The following SLC8A1 variants were observed in gnomAD, a reference collection of about 807,000 sequenced individuals.
The protein encoded by SLC8A1 is sodium/calcium exchanger 1.
SLC8A1 carries 18 observed loss-of-function variants against 68.3 expected under a neutral mutation model. The observed-to-expected ratio is 0.26, with a 90% CI of 0.18 to 0.39. The LOEUF (loss-of-function observed/expected upper bound fraction) is 0.39. Among genes scored for constraint, SLC8A1 ranks in the 10% least tolerant of loss-of-function variants. The pLI is 1.00. For missense variants in SLC8A1, 985 were observed against 1,156.7 expected (o/e 0.85, Z 2.15); for synonymous variants, 475 against 415.5 (o/e 1.14, Z -1.74).
At chr2:40,411,065 T>A (rs1691986474) in intron 2 of SLC8A1, among the ~76,000 whole-genome samples, 1 of 152,040 alleles carries the variant, frequency 6.6e-6, no homozygotes, top group South Asian at 2.1e-4. Context: ...CAGCCTAAAG[T>A]TGTATGGCAC....
chr2:40,463,238 G>A (rs1473735163), intron 1 of SLC8A1, among the ~76,000 whole-genome samples: 3 of 152,072 alleles, frequency 2.0e-5, no homozygotes, highest in Admixed American at 6.5e-5. Flanking sequence ...TAGAGCCCTG[G>A]ACAAAAGCAG....
intron 2 of SLC8A1, among the ~76,000 whole-genome samples, chr2:40,371,775 C>T (rs748234518): frequency 4.6e-5 from 7 of 152,218 alleles, no homozygotes; most frequent in African/African-American, 1.7e-4. Context: ...TGATCATATC[C>T]TCTGGAAACC....
intron 2 of SLC8A1, among the ~76,000 whole-genome samples, chr2:40,295,803 C>G (rs2070262252): frequency 6.6e-6 from 1 of 152,140 alleles, no homozygotes; most frequent in South Asian, 2.1e-4. Context: ...CTCAGACCAT[C>G]CACAAATAAT....
intron 2 of SLC8A1, among the ~76,000 whole-genome samples, chr2:40,357,739 G>T (rs969605544): frequency 1.2e-4 from 19 of 152,020 alleles, no homozygotes; most frequent in Non-Finnish European, 2.6e-4. Context: ...ATAGAATGCT[G>T]AGCTACATCA....
intron 2 of SLC8A1, among the ~76,000 whole-genome samples, chr2:40,200,173 G>GAGATATAT (rs1553407546): frequency 2.5e-3 from 12 of 4,750 alleles, no homozygotes; most frequent in Admixed American, 6.7e-3. Context: ...TCAAGTCATT[G>GAGATATAT]ATATATATAT....
At chr2:40,277,581 AAGT>A (rs746585043) in intron 2 of SLC8A1, among the ~76,000 whole-genome samples, 4 of 151,726 alleles carry the variant, frequency 2.6e-5, no homozygotes, top group Non-Finnish European at 5.9e-5. Flanking sequence ...ATAATAGCAA[AAGT>A]AGCTACCTTA....
At chr2:40,467,419 T>G (rs548706422) in intron 1 of SLC8A1, among the ~76,000 whole-genome samples, 1 of 152,274 alleles carries the variant, frequency 6.6e-6, no homozygotes, top group South Asian at 2.1e-4. Flanking sequence ...GAAAGTGCTA[T>G]TAACTGCTAT....
intron 2 of SLC8A1, among the ~76,000 whole-genome samples, chr2:40,349,365 G>A (rs1408738225): frequency 6.6e-6 from 1 of 152,112 alleles, no homozygotes; most frequent in Non-Finnish European, 1.5e-5. Context: ...GCAAGGAAAA[G>A]GAATGATTTA....
chr2:40,174,897 A>G, intron 3 of SLC8A1, 55 bp from the exon 5 acceptor site: 3 of 1,545,624 alleles, frequency 1.9e-6, no homozygotes, highest in Non-Finnish European at 2.7e-6. Context: ...TACATAACAA[A>G]TACCAGTGAC....
At chr2:40,150,840 C>A (rs1361263753) in intron 6 of SLC8A1, among the ~76,000 whole-genome samples, 2 of 152,162 alleles carry the variant, frequency 1.3e-5, no homozygotes, top group East Asian at 3.8e-4. Context: ...TGTTTCTGGC[C>A]TGCCTTGTTC....
chr2:40,417,659 C>A (rs1029435869), intron 2 of SLC8A1, among the ~76,000 whole-genome samples: 5 of 152,110 alleles, frequency 3.3e-5, no homozygotes, highest in Admixed American at 3.3e-4. Context: ...CAGGCTTAAG[C>A]CACAGGGATA....
At chr2:40,450,332 G>C (rs911750626) in intron 1 of SLC8A1, among the ~76,000 whole-genome samples, 1 of 148,958 alleles carries the variant, frequency 6.7e-6, no homozygotes, top group African/African-American at 2.4e-5. Flanking sequence ...AGCTTTGAGA[G>C]AGAAAGAGAA....
chr2:40,162,946 A>T (rs2045941197), intron 5 of SLC8A1, among the ~76,000 whole-genome samples: 1 of 152,140 alleles, frequency 6.6e-6, no homozygotes, highest in Non-Finnish European at 1.5e-5. Flanking sequence ...AAGTTCTTTA[A>T]AATACCTATG....
At chr2:40,313,075 C>T (rs1037170578) in intron 2 of SLC8A1, among the ~76,000 whole-genome samples, 11 of 151,858 alleles carry the variant, frequency 7.2e-5, no homozygotes, top group African/African-American at 2.4e-4. Flanking sequence ...TATCCATTAC[C>T]CCCCAAAGTT....
chr2:40,282,720 A>G (rs2149193711), intron 2 of SLC8A1, among the ~76,000 whole-genome samples: 1 of 152,258 alleles, frequency 6.6e-6, no homozygotes, highest in South Asian at 2.1e-4. Flanking sequence ...AGGAATTTTA[A>G]AGAGTGTCAT....
At chr2:40,351,881 T>A (rs769239427) in intron 2 of SLC8A1, among the ~76,000 whole-genome samples, 1 of 152,176 alleles carries the variant, frequency 6.6e-6, no homozygotes, top group Non-Finnish European at 1.5e-5. Context: ...GATCCTAAGG[T>A]GATGTACGAC....
chr2:40,172,486 C>T (rs974584903), intron 4 of SLC8A1, among the ~76,000 whole-genome samples: 3 of 151,998 alleles, frequency 2.0e-5, no homozygotes, highest in African/African-American at 7.2e-5. Context: ...GTGATTCTGT[C>T]ATCTTGGATG....
At chr2:40,451,091 A>T (rs1702390694) in intron 1 of SLC8A1, among the ~76,000 whole-genome samples, 1 of 152,226 alleles carries the variant, frequency 6.6e-6, no homozygotes, top group Non-Finnish European at 1.5e-5. Context: ...CCGGCTGTCC[A>T]GCTATAAGAC....
intron 1 of SLC8A1, among the ~76,000 whole-genome samples, chr2:40,461,794 TAAAA>T (rs1229116679): frequency 1.3e-5 from 2 of 152,152 alleles, no homozygotes; most frequent in Non-Finnish European, 1.5e-5. Flanking sequence ...AGTCCAAAGA[TAAAA>T]TAAATTGTTT....
Sources: allele counts gnomAD v4.1 joint callset (sites outside exome capture counted in the v4.1 genomes callset), GRCh38; gene constraint gnomAD v4.1.1; transcripts MANE v1.5; gene names NCBI Gene and HGNC (gene_info 2026-07-23, HGNC 2026-07-21).